SLC24A2: variants seen among roughly 807,000 people sequenced by gnomAD.
The protein encoded by SLC24A2 is sodium/potassium/calcium exchanger 2.
A neutral mutation model predicts 62.0 loss-of-function variants in SLC24A2; 36 were observed. The ratio of observed to expected loss-of-function variants is 0.58; its 90% confidence interval spans 0.44 to 0.77. The LOEUF is 0.77. SLC24A2 is among the 30% of genes least tolerant of loss of function. The pLI, the probability that SLC24A2 is intolerant of heterozygous loss-of-function variation, is 0.00. For synonymous variants in SLC24A2, 358 were observed against 294.0 expected (o/e 1.22, Z -2.23); for missense variants, 846 against 817.9 (o/e 1.03, Z -0.42).
chr9:19,835,140 A>T, the SLC24A2 span, among the ~76,000 whole-genome samples: 1 of 152,226 alleles, frequency 6.6e-6, no homozygotes, highest in Non-Finnish European at 1.5e-5. Flanking sequence ...TGTAAAGACC[A>T]TCAAGGCTAG....
the SLC24A2 span, among the ~76,000 whole-genome samples, chr9:20,127,316 T>C: frequency 1.6e-4 from 25 of 152,290 alleles, no homozygotes; most frequent in African/African-American, 5.8e-4. Flanking sequence ...TAATATTTTT[T>C]TGAAACCAGG....
chr9:20,045,842 G>A, the SLC24A2 span, among the ~76,000 whole-genome samples: 9 of 152,072 alleles, frequency 5.9e-5, no homozygotes, highest in South Asian at 2.1e-4. Flanking sequence ...CTAATCATAC[G>A]GTGAGAAAAT....
chr9:20,160,465 C>T, the SLC24A2 span, among the ~76,000 whole-genome samples: 3 of 151,418 alleles, frequency 2.0e-5, no homozygotes, highest in Admixed American at 1.3e-4. Flanking sequence ...AAGCATTACA[C>T]ACTTATAATA....
the SLC24A2 span, among the ~76,000 whole-genome samples, chr9:19,999,214 G>C: frequency 6.6e-6 from 1 of 152,342 alleles, no homozygotes; most frequent in South Asian, 2.1e-4. Flanking sequence ...TCGCCTCCCT[G>C]GCTGGAAGCC....
chr9:19,942,433 T>C, the SLC24A2 span, among the ~76,000 whole-genome samples: 1 of 152,156 alleles, frequency 6.6e-6, no homozygotes, highest in Non-Finnish European at 1.5e-5. Flanking sequence ...AGGACTTATG[T>C]CCAGGTGATA....
intron 2 of SLC24A2, among the ~76,000 whole-genome samples, chr9:19,779,284 T>G (rs1031299477): frequency 4.6e-5 from 7 of 152,130 alleles, no homozygotes; most frequent in Non-Finnish European, 8.8e-5. Flanking sequence ...AGAGGATACC[T>G]AAATGAGAAA....
intron 7 of SLC24A2, among the ~76,000 whole-genome samples, chr9:19,560,807 T>A (rs1172212188): frequency 2.0e-5 from 3 of 152,146 alleles, no homozygotes; most frequent in African/African-American, 7.2e-5. Context: ...TGTCCCTTTT[T>A]TCCACTCATT....
chr9:19,840,063 G>A, the SLC24A2 span, among the ~76,000 whole-genome samples: 2 of 152,254 alleles, frequency 1.3e-5, no homozygotes, highest in South Asian at 4.1e-4. Flanking sequence ...GCATGACTGT[G>A]TATCATTTTC....
chr9:19,849,132 G>T, the SLC24A2 span, among the ~76,000 whole-genome samples: 1 of 152,124 alleles, frequency 6.6e-6, no homozygotes, highest in African/African-American at 2.4e-5. Flanking sequence ...GTCAGAGGAG[G>T]TTTTCCCAGT....
At chr9:19,775,129 A>G (rs142292617) in intron 2 of SLC24A2, among the ~76,000 whole-genome samples, 117 of 152,328 alleles carry the variant, frequency 7.7e-4, no homozygotes, top group Middle Eastern at 3.4e-3. Context: ...TGAACACTAC[A>G]TTAAATATGG....
chr9:19,818,053 G>A, the SLC24A2 span, among the ~76,000 whole-genome samples: 7 of 152,006 alleles, frequency 4.6e-5, no homozygotes, highest in Admixed American at 1.3e-4. Flanking sequence ...AGCCTATAAC[G>A]TATCTTTAAA....
At chr9:19,603,291 T>G (rs1235203601) in intron 4 of SLC24A2, among the ~76,000 whole-genome samples, 2 of 152,200 alleles carry the variant, frequency 1.3e-5, no homozygotes. Flanking sequence ...AAGCAAAAGG[T>G]ACTTTCTCAT....
intron 2 of SLC24A2, among the ~76,000 whole-genome samples, chr9:19,626,955 T>A (rs151055739): frequency 6.6e-6 from 1 of 152,196 alleles, no homozygotes; most frequent in Non-Finnish European, 1.5e-5. Flanking sequence ...TGGAAACTCA[T>A]CTCTTTCTCC....
chr9:19,702,908 T>C (rs982476070), intron 2 of SLC24A2, among the ~76,000 whole-genome samples: 18 of 152,112 alleles, frequency 1.2e-4, no homozygotes, highest in African/African-American at 4.3e-4. Flanking sequence ...AAACATCATG[T>C]TGTGCACCAT....
intron 7 of SLC24A2, among the ~76,000 whole-genome samples, chr9:19,558,853 G>A (rs555731858): frequency 2.0e-5 from 3 of 152,152 alleles, no homozygotes; most frequent in African/African-American, 4.8e-5. Flanking sequence ...GGTTTCCTTG[G>A]AAACTGGTAA....
chr9:20,179,368 G>A, the SLC24A2 span, among the ~76,000 whole-genome samples: 1 of 152,174 alleles, frequency 6.6e-6, no homozygotes, highest in African/African-American at 2.4e-5. Context: ...CCCAATCGGA[G>A]AAAAAAAGGA....
chr9:20,073,409 T>C, the SLC24A2 span, among the ~76,000 whole-genome samples: 4 of 152,106 alleles, frequency 2.6e-5, no homozygotes, highest in African/African-American at 7.2e-5. Context: ...GGGACCATAA[T>C]TTCATCTTCA....
chr9:20,214,745 G>A, the SLC24A2 span, among the ~76,000 whole-genome samples: 1 of 152,164 alleles, frequency 6.6e-6, no homozygotes, highest in African/African-American at 2.4e-5. Flanking sequence ...TAAATTCCAA[G>A]CACTACAAGT....
At chr9:19,588,090 T>G (rs1437432213) in intron 5 of SLC24A2, among the ~76,000 whole-genome samples, 1 of 152,110 alleles carries the variant, frequency 6.6e-6, no homozygotes, top group African/African-American at 2.4e-5. Flanking sequence ...CTTCCTAAGA[T>G]CCAGCCCCAG....
Sources: allele counts gnomAD v4.1 joint callset (sites outside exome capture counted in the v4.1 genomes callset), GRCh38; gene constraint gnomAD v4.1.1; transcripts MANE v1.5; gene names NCBI Gene and HGNC (gene_info 2026-07-23, HGNC 2026-07-21).